The following BCKDHA variants were observed in gnomAD, a reference collection of about 807,000 sequenced individuals.
The protein encoded by BCKDHA is branched chain keto acid dehydrogenase E1 subunit alpha, also known as 2-oxoisovalerate dehydrogenase subunit alpha, mitochondrial.
In BCKDHA, 43 loss-of-function variants were observed where a neutral mutation model predicts 52.2. The observed-to-expected ratio is 0.82, with a 90% CI of 0.64 to 1.06. The LOEUF (loss-of-function observed/expected upper bound fraction) is 1.06. BCKDHA is among the 50% of genes least tolerant of loss of function. The pLI is 0.00. For synonymous variants in BCKDHA, 234 were observed against 247.9 expected (o/e 0.94, Z 0.53); for missense variants, 527 against 621.3 (o/e 0.85, Z 1.61).
intron 5 of BCKDHA, among the ~76,000 whole-genome samples, chr19:41,421,463 G>GT (rs2039363578): frequency 6.6e-6 from 1 of 151,926 alleles, no homozygotes; most frequent in African/African-American, 2.4e-5. Context: ...TGTGAGGGGG[G>GT]AGCTGTGTGG....
At position 41,422,809 on chromosome 19, in the gene BCKDHA, G is replaced by A. The variant is rs763286638; in HGVS notation, c.995+39G>A. 1.9e-6 allele frequency: 3 copies of A among 1,611,440 alleles called. No homozygotes were observed. The African/African-American group carries it at 4.0e-5, about 22-fold the overall frequency. The stretch of plus-strand genomic sequence containing the variant: ...CCCCCGTCAGCACCCCCACAGCACT[G>A]ACAGCCACCGTAGCATCTTCCTCAT... On this transcript the variant is annotated intron_variant, in intron 7 of 8. Transcript: ENST00000269980.
intron 5 of BCKDHA, among the ~76,000 whole-genome samples, chr19:41,419,544 C>T (rs1024734987): frequency 1.3e-5 from 2 of 152,282 alleles, no homozygotes; most frequent in South Asian, 2.1e-4. Flanking sequence ...CAGCTTCAAG[C>T]AATTCTCCTG....
rs200137189 is a variant in BCKDHA at position 41,422,665 on chromosome 19, G to C, written c.890G>C (p.Arg297Pro). The C allele has an allele frequency of 6.2e-7, 1 of 1,613,968 alleles. No individual in the cohort carries two copies. The highest frequency in any genetic ancestry group is 1.3e-5 in the African/African-American group (1 of 74,866). The change falls in exon 7 of 9, where the codon CGC (arginine) becomes CCC (proline). Residue 297 changes from arginine to proline, a missense_variant. By Grantham distance (103) the Arg-to-Pro change is moderately radical (BLOSUM62 -2). Coordinates refer to ENST00000269980, the MANE Select transcript of BCKDHA (RefSeq NM_000709.4). ...CCCGGGTATGGCATCATGTCAATCC[G>C]CGTGGATGGTAATGATGTGTTTGCC... ...RGPGYGIMSIRVDGNDVFAVY... is the reference protein window; with the variant it reads ...RGPGYGIMSIPVDGNDVFAVY...
At chr19:41,419,321 G>T (rs1360719227) in intron 5 of BCKDHA, 25 bp downstream of exon 5, 16 of 1,601,042 alleles carry the variant, frequency 1.0e-5, no homozygotes, top group Non-Finnish European at 1.3e-5. Context: ...CCTGTACCTT[G>T]CACATGTGCA....
At position 41,423,017 on chromosome 19, in the gene BCKDHA, A is replaced by C; in HGVS notation, c.1015A>C (p.Ser339Arg). The C allele has an allele frequency of 6.2e-7, 1 of 1,609,670 alleles. No individual in the cohort carries two copies. The highest frequency in any genetic ancestry group is 8.5e-7 in the Non-Finnish European group (1 of 1,178,054). ...MTYRIGHHSTSDDSSAYRSVD... is the reference protein window; with the variant it reads ...MTYRIGHHSTRDDSSAYRSVD... ...GTGCAGGATCGGGCACCACAGCACC[A>C]GTGACGACAGTTCAGCGTACCGCTC... Residue 339 changes from serine (S) to arginine (R), a missense_variant, in exon 8 of 9, where the codon AGT (serine) becomes CGT (arginine). By Grantham distance (110) the Ser-to-Arg change is moderately radical (BLOSUM62 -1). Coordinates refer to ENST00000269980, the MANE Select transcript of BCKDHA (RefSeq NM_000709.4).
chr19:41,402,411 A>G (rs1328553420), intron 1 of BCKDHA, among the ~76,000 whole-genome samples: 1 of 152,120 alleles, frequency 6.6e-6, no homozygotes, highest in Admixed American at 6.6e-5. Context: ...TGGTTTACAA[A>G]TCCAACTCTA....
At chr19:41,402,774 G>A (rs576415703) in intron 1 of BCKDHA, among the ~76,000 whole-genome samples, 19 of 152,184 alleles carry the variant, frequency 1.2e-4, no homozygotes, top group African/African-American at 3.6e-4. Context: ...TCGAGTAGCT[G>A]GGACTACAGG....
At chr19:41,408,344 G>T (rs994523421) in intron 1 of BCKDHA, among the ~76,000 whole-genome samples, 1 of 151,530 alleles carries the variant, frequency 6.6e-6, no homozygotes, top group African/African-American at 2.4e-5. Flanking sequence ...CTACTCAAGG[G>T]CAATGGCAGA....
At position 41,419,122 on chromosome 19, in the gene BCKDHA, C is replaced by T. The variant is rs775651033; in HGVS notation, c.485-13C>T. 1 of 1,614,050 alleles carries T rather than the reference C, an allele frequency of 6.2e-7. No individual in the cohort carries two copies. Among genetic ancestry groups the T allele is most frequent in the Non-Finnish European group, 8.5e-7 (1 of 1,179,966 alleles). Reference sequence around the variant, plus strand: ...CTGCCCACTCGGCTAACCATTGCCTCCTCCCCTCCTAGGTGTGCTGATGTA... The same window carrying T: ...CTGCCCACTCGGCTAACCATTGCCTTCTCCCCTCCTAGGTGTGCTGATGTA... On this transcript the variant is annotated splice_polypyrimidine_tract_variant and intron_variant, in intron 4 of 8. Transcript: ENST00000269980.
intron 5 of BCKDHA, among the ~76,000 whole-genome samples, chr19:41,420,263 C>G (rs973425056): frequency 3.9e-5 from 6 of 152,218 alleles, no homozygotes; most frequent in Admixed American, 3.3e-4. Flanking sequence ...GCTTCACGTT[C>G]ATCATCTAAT....
At chr19:41,416,505 T>C (rs776121888) in intron 4 of BCKDHA, among the ~76,000 whole-genome samples, 1 of 152,250 alleles carries the variant, frequency 6.6e-6, no homozygotes, top group Non-Finnish European at 1.5e-5. Flanking sequence ...AGTCTTTTTA[T>C]GGCAGTCTGA....
intron 4 of BCKDHA, chr19:41,418,910 C>T (rs1224131925): frequency 5.3e-6 from 3 of 565,334 alleles, no homozygotes; most frequent in South Asian, 3.9e-5. Context: ...AAATACCAGA[C>T]AATATCTCAC....
At chr19:41,402,354 G>C (rs891203074) in intron 1 of BCKDHA, among the ~76,000 whole-genome samples, 2 of 152,214 alleles carry the variant, frequency 1.3e-5, no homozygotes, top group Non-Finnish European at 2.9e-5. Context: ...TTACTTGCTA[G>C]TGTGTTAAGA....
At chr19:41,402,173 A>AC (rs758926891) in intron 1 of BCKDHA, among the ~76,000 whole-genome samples, 3 of 151,948 alleles carry the variant, frequency 2.0e-5, no homozygotes, top group Non-Finnish European at 4.4e-5. Flanking sequence ...TGAAAGATCC[A>AC]CCCCCATAAT....
rs775471043 is a variant in BCKDHA at position 41,410,687 on chromosome 19, G to A, written c.159G>A (p.Gln53=). 1 of 1,614,192 alleles carries A rather than the reference G, an allele frequency of 6.2e-7. No homozygotes were observed. Among genetic ancestry groups the A allele is most frequent in the South Asian group, 1.1e-5 (1 of 91,086 alleles). Residue 53 remains glutamine (Q), a synonymous_variant, in exon 2 of 9, where the codon CAG becomes CAA. Coordinates refer to ENST00000269980, the MANE Select transcript of BCKDHA (RefSeq NM_000709.4). ...TTTCATCTCTGGATGACAAGCCCCA[G>A]TTCCCAGGGGCCTCGGCGGAGTTTA... ...QQFSSLDDKP[Q]FPGASAEFID... is the part of the protein sequence containing the mutation.
chr19:41,410,516 C>A, intron 1 of BCKDHA, 121 bp from the exon 2 acceptor site: 2 of 1,131,808 alleles, frequency 1.8e-6, no homozygotes, highest in Non-Finnish European at 2.6e-6. Context: ...TGAGTCAGGC[C>A]CCAGAGTTCA....
intron 5 of BCKDHA, among the ~76,000 whole-genome samples, chr19:41,421,765 C>A (rs749595036): frequency 2.0e-5 from 3 of 152,010 alleles, no homozygotes; most frequent in South Asian, 4.1e-4. Context: ...ATGGAATCCG[C>A]GGGCTGCCCT....
Position 41,419,187 on chromosome 19 carries a change from T to C in BCKDHA, c.537T>C (p.Tyr179=), listed in dbSNP as rs2039337996. 1 of 1,614,106 alleles carries C rather than the reference T, an allele frequency of 6.2e-7. No individual in the cohort carries two copies. Among genetic ancestry groups the C allele is most frequent in the African/African-American group, 1.3e-5 (1 of 74,944 alleles). ...TGGAACTATTCATGGCCCAGTGCTA[T>C]GGCAACATCAGTGACTTGGGCAAGG... The part of the protein sequence containing the change: ...YPLELFMAQC[Y]GNISDLGKGR... Residue 179 remains tyrosine (Y), a synonymous_variant, in exon 5 of 9, where the codon TAT becomes TAC. Transcript: ENST00000269980.
At chr19:41,421,028 T>A (rs1255184394) in intron 5 of BCKDHA, among the ~76,000 whole-genome samples, 1 of 152,142 alleles carries the variant, frequency 6.6e-6, no homozygotes, top group Non-Finnish European at 1.5e-5. Flanking sequence ...CCTTAGCTCA[T>A]AGTGTTCTTT....
Sources: allele counts gnomAD v4.1 joint callset (sites outside exome capture counted in the v4.1 genomes callset), GRCh38; gene constraint gnomAD v4.1.1; transcripts MANE v1.5; gene names NCBI Gene and HGNC (gene_info 2026-07-23, HGNC 2026-07-21).